Variants in CNTNAP2 observed in about 807,000 individuals in gnomAD.
The protein encoded by CNTNAP2 is contactin associated protein 2.
A neutral mutation model predicts 155.2 loss-of-function variants in CNTNAP2; 98 were observed. That is an observed-to-expected ratio of 0.63 (90% CI 0.54 to 0.75). The LOEUF (loss-of-function observed/expected upper bound fraction) is 0.75, where lower values mean the gene tolerates loss of function less well. Ranked by LOEUF, CNTNAP2 falls within the 30% of genes least tolerant of loss-of-function variation. The pLI, the probability that CNTNAP2 is intolerant of heterozygous loss-of-function variation, is 0.00. For missense variants in CNTNAP2, 1,727 were observed against 1,688.1 expected (o/e 1.02, Z -0.40); for synonymous variants, 651 against 631.2 (o/e 1.03, Z -0.47).
intron 13 of CNTNAP2, among the ~76,000 whole-genome samples, chr7:147,659,769 C>T (rs1194226892): frequency 2.6e-5 from 4 of 152,084 alleles, no homozygotes; most frequent in Admixed American, 6.5e-5. Context: ...GAAACCTTAC[C>T]GGATGTTGCC....
At chr7:147,624,398 A>G (rs1481699466) in intron 12 of CNTNAP2, among the ~76,000 whole-genome samples, 1 of 152,184 alleles carries the variant, frequency 6.6e-6, no homozygotes, top group Non-Finnish European at 1.5e-5. Context: ...TAAGGAGCTC[A>G]AAATAACTCT....
chr7:146,901,260 T>G (rs1280480731), intron 3 of CNTNAP2, among the ~76,000 whole-genome samples: 1 of 152,144 alleles, frequency 6.6e-6, no homozygotes, highest in Non-Finnish European at 1.5e-5. Context: ...TTCTGCTGAG[T>G]AAAAGCTATA....
rs150139966 is a variant in CNTNAP2, at chr7:146,379,930, A to G, written c.97+262957A>G. ...TAGCTAAGCATTTGTTTCCTACTGA[A>G]TAATCAACACTTACAGAGCCTGAAG... On this transcript the variant is annotated intron_variant, in intron 1 of 23. Coordinates refer to ENST00000361727, the MANE Select transcript of CNTNAP2 (RefSeq NM_014141.6). Among the ~76,000 whole-genome samples, 19 of 152,342 alleles carry G rather than the reference A, an allele frequency of 1.2e-4. 1 individual carries two copies. The highest frequency in any genetic ancestry group is 4.6e-4 in the African/African-American group (19 of 41,578).
intron 9 of CNTNAP2, among the ~76,000 whole-genome samples, chr7:147,344,731 T>G (rs1022422343): frequency 6.6e-6 from 1 of 152,178 alleles, no homozygotes; most frequent in African/African-American, 2.4e-5. Flanking sequence ...TTTAAAGGAT[T>G]AACAGCATCC....
intron 17 of CNTNAP2, among the ~76,000 whole-genome samples, chr7:148,157,277 C>A (rs1403250768): frequency 1.3e-5 from 2 of 152,136 alleles, no homozygotes; most frequent in Non-Finnish European, 1.5e-5. Context: ...CCCCCTAGAA[C>A]GTAAGCTACA....
At chr7:146,224,875 C>T (rs1474737871) in intron 1 of CNTNAP2, among the ~76,000 whole-genome samples, 1 of 152,124 alleles carries the variant, frequency 6.6e-6, no homozygotes, top group Non-Finnish European at 1.5e-5. Flanking sequence ...AAATAATTTA[C>T]CAAGTTTTTC....
intron 21 of CNTNAP2, among the ~76,000 whole-genome samples, chr7:148,272,346 C>T (rs934041107): frequency 6.6e-6 from 1 of 152,162 alleles, no homozygotes; most frequent in South Asian, 2.1e-4. Context: ...TAGACTTTAT[C>T]TTTCAGCAAC....
At chr7:147,291,007 TA>T (rs1805295448) in intron 8 of CNTNAP2, among the ~76,000 whole-genome samples, 1 of 152,166 alleles carries the variant, frequency 6.6e-6, no homozygotes, top group African/African-American at 2.4e-5. Flanking sequence ...TATATACACT[TA>T]GACAGCAAAC....
intron 18 of CNTNAP2, among the ~76,000 whole-genome samples, chr7:148,207,356 G>C (rs1055818526): frequency 6.6e-6 from 1 of 152,168 alleles, no homozygotes; most frequent in Non-Finnish European, 1.5e-5. Flanking sequence ...CGTGGAGTAC[G>C]CGAAGGAGAA....
At chr7:148,199,735 G>C (rs922414608) in intron 18 of CNTNAP2, among the ~76,000 whole-genome samples, 1 of 152,174 alleles carries the variant, frequency 6.6e-6, no homozygotes, top group African/African-American at 2.4e-5. Context: ...TGTTAGTCAA[G>C]GTTCTCCAAA....
At chr7:147,259,595 G>GGCAAA (rs1563136855) in intron 8 of CNTNAP2, among the ~76,000 whole-genome samples, 1 of 152,196 alleles carries the variant, frequency 6.6e-6, no homozygotes, top group African/African-American at 2.4e-5. Flanking sequence ...CTGAACAACT[G>GGCAAA]TATATGGAGG....
intron 1 of CNTNAP2, among the ~76,000 whole-genome samples, chr7:146,140,694 A>G (rs2116756172): frequency 6.6e-6 from 1 of 152,172 alleles, no homozygotes; most frequent in South Asian, 2.1e-4. Context: ...ATGGATCTTC[A>G]CTTAAATCCC....
At chr7:147,582,221 G>A (rs1464104587) in intron 12 of CNTNAP2, among the ~76,000 whole-genome samples, 2 of 152,220 alleles carry the variant, frequency 1.3e-5, no homozygotes, top group East Asian at 3.9e-4. Context: ...TAGATTGCAT[G>A]TTCTTATTGG....
At chr7:146,795,669 T>C (rs1802756139) in intron 2 of CNTNAP2, among the ~76,000 whole-genome samples, 1 of 152,218 alleles carries the variant, frequency 6.6e-6, no homozygotes, top group Non-Finnish European at 1.5e-5. Context: ...ACTACCCTTA[T>C]GTTCAGGCAA....
At chr7:147,362,355 A>T (rs897757506) in intron 9 of CNTNAP2, among the ~76,000 whole-genome samples, 57 of 152,138 alleles carry the variant, frequency 3.7e-4, no homozygotes, top group African/African-American at 1.3e-3. Context: ...GGCTGGTCTC[A>T]GACTCCTGAG....
In CNTNAP2 at chr7:146,550,401, GTTTTTTTTT is replaced by G. The variant is rs10673467; in HGVS notation, c.98-223850_98-223842del. Reference sequence around the variant, plus strand: ...TTATAGCAGTGAGGTCCATTAATCTGTTTTTTTTTTTTTTTTTTTTTTTTTTTTATAAAG... The same window carrying G: ...TTATAGCAGTGAGGTCCATTAATCTGTTTTTTTTTTTTTTTTTTTATAAAG... On this transcript the variant is annotated intron_variant, in intron 1 of 23. Transcript: ENST00000361727. Among the ~76,000 whole-genome samples the G allele has an allele frequency of 9.2e-5, 5 of 54,384 alleles. 1 individual carries two copies. The highest frequency in any genetic ancestry group is 5.9e-4 in the East Asian group (1 of 1,696). The allele number at this position is 54,384 out of a possible 152,430, so 35.7% of individuals were successfully genotyped here.
intron 12 of CNTNAP2, among the ~76,000 whole-genome samples, chr7:147,628,539 G>A (rs950423975): frequency 6.6e-6 from 1 of 152,014 alleles, no homozygotes; most frequent in South Asian, 2.1e-4. Flanking sequence ...ATGTCACCAG[G>A]CCTATAAAAC....
intron 9 of CNTNAP2, among the ~76,000 whole-genome samples, chr7:147,320,457 A>G (rs546639495): frequency 6.6e-6 from 1 of 152,296 alleles, no homozygotes; most frequent in East Asian, 1.9e-4. Context: ...AGTACACAGA[A>G]ATACCTATAT....
At chr7:148,196,973 A>G (rs1464843294) in intron 18 of CNTNAP2, among the ~76,000 whole-genome samples, 16 of 151,804 alleles carry the variant, frequency 1.1e-4, no homozygotes. Context: ...TGCTTCCCTG[A>G]CTCTTAGGCT....
Sources: gnomAD v4.1 joint callset for allele counts (sites outside exome capture counted in the v4.1 genomes callset) on GRCh38, gnomAD v4.1.1 for gene constraint, MANE v1.5 for transcripts, NCBI Gene and HGNC (gene_info 2026-07-23, HGNC 2026-07-21) for gene names.